Variants in ADAMTS2 observed in about 807,000 individuals in gnomAD.
The protein encoded by ADAMTS2 is A disintegrin and metalloproteinase with thrombospondin motifs 2.
A neutral mutation model predicts 123.0 loss-of-function variants in ADAMTS2; 50 were observed. That is an observed-to-expected ratio of 0.41 (90% confidence interval 0.32 to 0.51). The LOEUF is 0.51. Ranked by LOEUF, ADAMTS2 falls within the 20% of genes least tolerant of loss-of-function variation. ADAMTS2 has a pLI of 0.35. For missense variants in ADAMTS2, 1,494 were observed against 1,705.2 expected, an observed-to-expected ratio of 0.88 and a Z score of 2.18; for synonymous variants, 678 against 695.4, an observed-to-expected ratio of 0.98 and a Z score of 0.39.
chr5:179,256,989 C>T lies in ADAMTS2; in HGVS notation c.688+15922G>A, dbSNP rs1350757205. Among the ~76,000 whole-genome samples, 1 of 152,262 alleles carries T rather than the reference C, an allele frequency of 6.6e-6. No homozygotes were observed. The highest frequency in any genetic ancestry group is 1.5e-5 in the Non-Finnish European group (1 of 68,046). On this transcript the variant is annotated intron_variant, in intron 3 of 21. Coordinates refer to ENST00000251582, the MANE Select transcript of ADAMTS2 (RefSeq NM_014244.5). The surrounding 1 kb of genome is among the most constrained non-coding windows in gnomAD (Gnocchi z 4.1). ...AAGGACTCCGCAGGCCAGGCCCACA[C>T]TGGCGGCCCCGGCTGCCTGGCCCAT... is the stretch of plus-strand genomic sequence containing the variant.
At chr5:179,252,017 T>C (rs1765939254) in intron 3 of ADAMTS2, among the ~76,000 whole-genome samples, 1 of 150,904 alleles carries the variant, frequency 6.6e-6, no homozygotes, top group Non-Finnish European at 1.5e-5. Context: ...TTCTTTTTTT[T>C]TTTTTTTTGA....
At position 179,272,866 on chromosome 5, in the gene ADAMTS2, C is replaced by T. The variant is rs1306272906; in HGVS notation, c.688+45G>A. 1 of 1,594,566 alleles carries T rather than the reference C, an allele frequency of 6.3e-7. No homozygotes were observed. Among genetic ancestry groups the T allele is most frequent in the African/African-American group, 1.3e-5 (1 of 74,812 alleles). ...GGGATGCTCCCCTGGGGACCAGGGC[C>T]TCAGAGGGCTCTCCACACAGCCTGC... On this transcript the variant is annotated intron_variant, in intron 3 of 21. Transcript: ENST00000251582. The surrounding 1 kb of genome is among the most constrained non-coding windows in gnomAD (Gnocchi z 5.8).
In ADAMTS2 at chr5:179,225,379, A is replaced by C. The variant is rs1323106512; in HGVS notation, c.689-17664T>G. On this transcript the variant is annotated intron_variant, in intron 3 of 21. Coordinates refer to ENST00000251582, the MANE Select transcript of ADAMTS2 (RefSeq NM_014244.5). The surrounding 1 kb of genome is among the most constrained non-coding windows in gnomAD (Gnocchi z 4.5). ...TGCTCCCTTTAAATGATATGGAAGCAGGGAAGTGCATGGTCCCTGGCTAAG... is the reference window on the plus strand; with the variant it reads ...TGCTCCCTTTAAATGATATGGAAGCCGGGAAGTGCATGGTCCCTGGCTAAG... 1.3e-5 allele frequency among the ~76,000 whole-genome samples: 2 copies of C among 152,234 alleles called. No homozygotes were observed. Among genetic ancestry groups the C allele is most frequent in the Non-Finnish European group, 2.9e-5 (2 of 68,046 alleles).
At chr5:179,289,789 C>A (rs576578068) in intron 2 of ADAMTS2, among the ~76,000 whole-genome samples, 1 of 152,190 alleles carries the variant, frequency 6.6e-6, no homozygotes, top group African/African-American at 2.4e-5. Context: ...TGGTGCCCTA[C>A]GGAGGGCACA....
At chr5:179,203,124 G>C (rs1376284074) in intron 4 of ADAMTS2, among the ~76,000 whole-genome samples, 1 of 152,226 alleles carries the variant, frequency 6.6e-6, no homozygotes, top group Non-Finnish European at 1.5e-5. Flanking sequence ...GGGTGGAGCT[G>C]TGCCTGCACT....
rs561508727 is a variant in ADAMTS2, at chr5:179,229,315, G to A, written c.689-21600C>T. Among the ~76,000 whole-genome samples, 302 of 104,748 alleles carry A rather than the reference G, an allele frequency of 2.9e-3. 7 individuals carry two copies. The highest frequency in any genetic ancestry group is 9.0e-3 in the African/African-American group (281 of 31,308). 68.7% of individuals were successfully genotyped at this position (104,748 alleles called of 152,430 possible). ...GGTAATTCCACAAACACGAGACCCC[G>A]CTGCCCACTCCACAAACATGAGACC... On this transcript the variant is annotated intron_variant, in intron 3 of 21. Transcript: ENST00000251582.
chr5:179,336,824 G>A (rs946005205), intron 2 of ADAMTS2, among the ~76,000 whole-genome samples: 1 of 152,172 alleles, frequency 6.6e-6, no homozygotes, highest in East Asian at 1.9e-4. Flanking sequence ...CATGTGACCC[G>A]CAACAGCCTC....
At chr5:179,335,573 T>C (rs1407571676) in intron 2 of ADAMTS2, among the ~76,000 whole-genome samples, 1 of 152,202 alleles carries the variant, frequency 6.6e-6, no homozygotes, top group African/African-American at 2.4e-5. Flanking sequence ...GTAGAATGTA[T>C]CTGCGGTACT....
At chr5:179,207,470 G>GTCCCGGC in intron 4 of ADAMTS2, 43 bp downstream of exon 4, 2 of 1,323,550 alleles carry the variant, frequency 1.5e-6, no homozygotes, top group Non-Finnish European at 2.2e-6. Flanking sequence ...GCCCCTGGTT[G>GTCCCGGC]ACCCTCCCCG....
intron 8 of ADAMTS2, 46 bp downstream of exon 8, chr5:179,154,003 C>A (rs1021911032): frequency 2.5e-6 from 4 of 1,572,254 alleles, no homozygotes; most frequent in Non-Finnish European, 3.4e-6. Context: ...CAGAGCTGAC[C>A]CCAGGGACTG....
In ADAMTS2 at chr5:179,171,171, G is replaced by A. The variant is rs375760225; in HGVS notation, c.975+9901C>T. Among the ~76,000 whole-genome samples the A allele has an allele frequency of 3.7e-4, 56 of 152,288 alleles. No individual in the cohort carries two copies. The South Asian group carries it at 0.011, about 29-fold the overall frequency. ...GGTACGGAAGTATTGGTCTGTGATG[G>A]GTTTGAAATAGGAAAAAGAAAACAG... On this transcript the variant is annotated intron_variant, in intron 5 of 21. Transcript: ENST00000251582.
In ADAMTS2 at chr5:179,128,017, A is replaced by G. The variant is rs772792600; in HGVS notation, c.2559T>C (p.Ser853=). The change falls in exon 17 of 22, where the codon TCT becomes TCC. Residue 853 remains serine (S), a synonymous_variant. Coordinates refer to ENST00000251582, the MANE Select transcript of ADAMTS2 (RefSeq NM_014244.5). The surrounding 1 kb of genome is among the most constrained non-coding windows in gnomAD (Gnocchi z 4.9). The stretch of plus-strand genomic sequence containing the variant: ...TCTTCAGGGCCCACTCGTAGACCAC[A>G]GAGTCCTCTTCCAGGACGTTGTTGT... ...VDDNNVLEED[S]VVYEWALKKW... 2.5e-6 allele frequency: 4 copies of G among 1,614,070 alleles called. No homozygotes were observed. Among genetic ancestry groups the G allele is most frequent in the Non-Finnish European group, 2.5e-6 (3 of 1,180,034 alleles).
intron 3 of ADAMTS2, among the ~76,000 whole-genome samples, chr5:179,236,181 C>T (rs547752208): frequency 2.0e-5 from 3 of 152,312 alleles, no homozygotes; most frequent in African/African-American, 4.8e-5. Context: ...TGATGGGCAT[C>T]GTCCCTCTGT....
chr5:179,119,388 T>G (rs1376342893), intron 21 of ADAMTS2, among the ~76,000 whole-genome samples: 2 of 152,180 alleles, frequency 1.3e-5, no homozygotes, highest in African/African-American at 4.8e-5. Context: ...CTCATGGCCT[T>G]CCACGCTTTC....
intron 3 of ADAMTS2, among the ~76,000 whole-genome samples, chr5:179,253,003 G>C (rs574600105): frequency 2.6e-5 from 4 of 152,178 alleles, no homozygotes; most frequent in Admixed American, 2.6e-4. Flanking sequence ...ACGGTGACCT[G>C]TCTTTCCCCA....
intron 4 of ADAMTS2, among the ~76,000 whole-genome samples, chr5:179,195,077 G>T (rs1212142974): frequency 6.6e-6 from 1 of 152,158 alleles, no homozygotes; most frequent in Non-Finnish European, 1.5e-5. Context: ...TCCCTGACCA[G>T]CCGCCCCAGG....
rs542032810 is a variant in ADAMTS2 at position 179,278,254 on chromosome 5, C to T, written c.535-5190G>A. On this transcript the variant is annotated intron_variant, in intron 2 of 21. Coordinates refer to ENST00000251582, the MANE Select transcript of ADAMTS2 (RefSeq NM_014244.5). ...CCAGAATAATGCTCGGGGCGGGGGG[C>T]ACTTCACGGAAGAAGTGGAGATCAT... Among the ~76,000 whole-genome samples the T allele has an allele frequency of 1.2e-4, 18 of 149,660 alleles. No individual in the cohort carries two copies. The South Asian group carries it at 1.5e-3, about 13-fold the overall frequency.
Position 179,272,833 on chromosome 5 carries a change from G to A in ADAMTS2, c.688+78C>T, listed in dbSNP as rs1766576351. 1 of 1,542,010 alleles carries A rather than the reference G, an allele frequency of 6.5e-7. No homozygotes were observed. Among genetic ancestry groups the A allele is most frequent in the Non-Finnish European group, 8.7e-7 (1 of 1,144,280 alleles). ...CAAGCTGGTCTGTGGAGAGCTGCCTGAGTCTCTGGGATGCTCCCCTGGGGA... is the reference window on the plus strand; with the variant it reads ...CAAGCTGGTCTGTGGAGAGCTGCCTAAGTCTCTGGGATGCTCCCCTGGGGA... On this transcript the variant is annotated intron_variant, in intron 3 of 21. Transcript: ENST00000251582. This position sits in a 1 kb window ranked among gnomAD's most constrained non-coding sequence, Gnocchi z 5.8.
chr5:179,132,953 G>C lies in ADAMTS2; in HGVS notation c.2086-53C>G, dbSNP rs1762992010. The C allele has an allele frequency of 6.3e-7, 1 of 1,596,032 alleles. No individual in the cohort carries two copies. The highest frequency in any genetic ancestry group is 1.3e-5 in the African/African-American group (1 of 74,496). ...TGAGACGTCCTGCTAGTAGAGTCAG[G>C]GTCATACTATGTTGCCCCCAGTCTC... On this transcript the variant is annotated intron_variant, in intron 13 of 21. Coordinates refer to ENST00000251582, the MANE Select transcript of ADAMTS2 (RefSeq NM_014244.5). This position sits in a 1 kb window ranked among gnomAD's most constrained non-coding sequence, Gnocchi z 6.1.
Sources: gnomAD v4.1 joint callset for allele counts (sites outside exome capture counted in the v4.1 genomes callset) on GRCh38, gnomAD v4.1.1 for gene constraint, Gnocchi (gnomAD v3.1) non-coding constraint, MANE v1.5 for transcripts, NCBI Gene and HGNC (gene_info 2026-07-23, HGNC 2026-07-21) for gene names.